SIRT1: variants seen among roughly 807,000 people sequenced by gnomAD.
SIRT1 encodes the protein sirtuin 1, also known as NAD-dependent protein deacetylase sirtuin-1.
In SIRT1, 24 loss-of-function variants were observed where a neutral mutation model predicts 67.9. That is an observed-to-expected ratio of 0.35 (90% confidence interval 0.26 to 0.50). The LOEUF (loss-of-function observed/expected upper bound fraction) is 0.50. Among genes scored for constraint, SIRT1 ranks in the 20% least tolerant of loss-of-function variants. The pLI is 0.98. For synonymous variants in SIRT1, 378 were observed against 350.7 expected, an observed-to-expected ratio of 1.08 and a Z score of -0.87; for missense variants, 873 against 937.2, an observed-to-expected ratio of 0.93 and a Z score of 0.89.
chr10:67,900,875 GTTCTT>G (rs1475691366), intron 4 of SIRT1, among the ~76,000 whole-genome samples: 4 of 152,020 alleles, frequency 2.6e-5, no homozygotes, highest in African/African-American at 7.3e-5. Context: ...GGAATATTAT[GTTCTT>G]TTCTTTTGAT....
At chr10:67,888,465 G>T (rs561278114) in intron 2 of SIRT1, among the ~76,000 whole-genome samples, 1 of 152,132 alleles carries the variant, frequency 6.6e-6, no homozygotes, top group East Asian at 1.9e-4. Context: ...AATTAAGATG[G>T]CAGTTATGTA....
chr10:67,900,473 CCTT>C (rs1435828135), intron 4 of SIRT1, among the ~76,000 whole-genome samples: 15 of 152,078 alleles, frequency 9.9e-5, no homozygotes, highest in African/African-American at 3.6e-4. Context: ...GACGGGGTCT[CCTT>C]CTGTTATCCA....
At chr10:67,911,761 G>A (rs1316173844) in intron 7 of SIRT1, among the ~76,000 whole-genome samples, 8 of 143,526 alleles carry the variant, frequency 5.6e-5, no homozygotes, top group Admixed American at 4.9e-4. Flanking sequence ...TCATCTGTCC[G>A]TCCTTCCTTC....
intron 4 of SIRT1, among the ~76,000 whole-genome samples, chr10:67,894,592 TC>T (rs1447052071): frequency 3.3e-5 from 5 of 152,120 alleles, no homozygotes; most frequent in Non-Finnish European, 5.9e-5. Flanking sequence ...TGATCTTAAA[TC>T]AACTACAAAA....
intron 4 of SIRT1, among the ~76,000 whole-genome samples, chr10:67,898,913 G>A (rs186966227): frequency 5.8e-4 from 89 of 152,248 alleles, no homozygotes; most frequent in African/African-American, 1.9e-3. Context: ...CTTACTTTCT[G>A]TGAGGTGCTT....
chr10:67,908,038 G>T lies in SIRT1; in HGVS notation c.1091-8G>T. Reference sequence around the variant, plus strand: ...TTAATAAAGCATATATATGTTGTTTGTTTTTAGGTTCCTTTGCAACAGCAT... The same window carrying T: ...TTAATAAAGCATATATATGTTGTTTTTTTTTAGGTTCCTTTGCAACAGCAT... On this transcript the variant is annotated splice_region_variant and splice_polypyrimidine_tract_variant and intron_variant, in intron 5 of 8. Transcript: ENST00000212015. The T allele has an allele frequency of 6.2e-7, 1 of 1,610,926 alleles. No homozygotes were observed. Among genetic ancestry groups the T allele is most frequent in the African/African-American group, 1.3e-5 (1 of 74,946 alleles).
chr10:67,891,792 A>T (rs943657993), intron 4 of SIRT1, among the ~76,000 whole-genome samples: 1 of 152,206 alleles, frequency 6.6e-6, no homozygotes, highest in Non-Finnish European at 1.5e-5. Context: ...TAAAATTTGC[A>T]CTGCAGCGAT....
chr10:67,886,422 C>T (rs925228360), intron 1 of SIRT1, among the ~76,000 whole-genome samples: 4 of 151,954 alleles, frequency 2.6e-5, no homozygotes, highest in South Asian at 2.1e-4. Flanking sequence ...GCGAGACCTC[C>T]TCTCTACTAA....
chr10:67,901,253 C>T (rs1002036618), intron 4 of SIRT1, among the ~76,000 whole-genome samples: 5 of 152,102 alleles, frequency 3.3e-5, no homozygotes, highest in Non-Finnish European at 7.4e-5. Context: ...CCACCTTAGC[C>T]TCCTGACTAG....
At chr10:67,906,971 ATT>A in intron 5 of SIRT1, 34 bp downstream of exon 5, 2 of 1,516,854 alleles carry the variant, frequency 1.3e-6, no homozygotes, top group Admixed American at 2.6e-5. Context: ...TCTGTAATTT[ATT>A]TTAGTTTTAT....
At chr10:67,914,646 T>C (rs1364846610) in intron 8 of SIRT1, among the ~76,000 whole-genome samples, 2 of 152,228 alleles carry the variant, frequency 1.3e-5, no homozygotes, top group Non-Finnish European at 2.9e-5. Flanking sequence ...TTGACAGATG[T>C]GTCAAACGGA....
intron 3 of SIRT1, 46 bp downstream of exon 3, chr10:67,889,169 T>C (rs370751473): frequency 2.9e-5 from 44 of 1,518,706 alleles, no homozygotes; most frequent in Non-Finnish European, 3.4e-5. Context: ...TATTTTCTTA[T>C]GCCTTTTCCA....
chr10:67,913,230 T>C (rs1472654399), intron 8 of SIRT1, among the ~76,000 whole-genome samples, 199 bp downstream of exon 8: 1 of 152,162 alleles, frequency 6.6e-6, no homozygotes, highest in Non-Finnish European at 1.5e-5. Context: ...TTAATAGTGC[T>C]CTGTATGTTG....
At position 67,895,736 on chromosome 10, in the gene SIRT1, T is replaced by TTG. The variant is rs1842645689; in HGVS notation, c.942+4183_942+4184insGT. On this transcript the variant is annotated intron_variant, in intron 4 of 8. Coordinates refer to ENST00000212015, the MANE Select transcript of SIRT1 (RefSeq NM_012238.5). The stretch of plus-strand genomic sequence containing the variant: ...TGTGATTATTGAGAATTAACTTGTT[T>TTG]TTTTTTTTTTTGTTTTTTTTTTTTG... Among the ~76,000 whole-genome samples the TTG allele has an allele frequency of 3.7e-5, 3 of 82,090 alleles. 1 individual carries two copies. The South Asian group carries it at 1.2e-3, about 32-fold the overall frequency. 53.9% of individuals were successfully genotyped at this position (82,090 alleles called of 152,430 possible). A position where few individuals can be genotyped will look rare whatever the true frequency, so the allele number is the denominator to read the frequency against.
At chr10:67,910,574 T>A (rs1484509300) in intron 7 of SIRT1, among the ~76,000 whole-genome samples, 1 of 152,206 alleles carries the variant, frequency 6.6e-6, no homozygotes, top group Non-Finnish European at 1.5e-5. Flanking sequence ...CAAATTTAAT[T>A]GATTTCACAT....
intron 1 of SIRT1, among the ~76,000 whole-genome samples, chr10:67,886,957 C>T (rs1467298836): frequency 3.3e-5 from 5 of 151,840 alleles, no homozygotes; most frequent in Admixed American, 1.3e-4. Context: ...CCGCAACCTC[C>T]GCTTCCCGGG....
chr10:67,905,152 G>A (rs1383908552), intron 4 of SIRT1, among the ~76,000 whole-genome samples: 2 of 152,088 alleles, frequency 1.3e-5, no homozygotes, highest in East Asian at 3.9e-4. Context: ...CTGTTGCCTA[G>A]CATATTCTCA....
intron 4 of SIRT1, among the ~76,000 whole-genome samples, chr10:67,905,828 C>T (rs1218984654): frequency 6.6e-6 from 1 of 152,148 alleles, no homozygotes. Context: ...CAGGGCAGTT[C>T]ATCTAGATCT....
intron 6 of SIRT1, 63 bp from the exon 7 acceptor site, chr10:67,909,193 A>T: frequency 1.8e-6 from 2 of 1,108,732 alleles, no homozygotes; most frequent in African/African-American, 1.6e-5. Flanking sequence ...GGAAATGTTG[A>T]CTATTTCTAA....
Sources: gnomAD v4.1 joint callset for allele counts (sites outside exome capture counted in the v4.1 genomes callset) on GRCh38, gnomAD v4.1.1 for gene constraint, MANE v1.5 for transcripts, NCBI Gene and HGNC (gene_info 2026-07-23, HGNC 2026-07-21) for gene names.